Variants in PDE11A observed in about 807,000 individuals in gnomAD.
PDE11A encodes phosphodiesterase 11A, also known as dual 3',5'-cyclic-AMP and -GMP phosphodiesterase 11A.
Under a neutral mutation model 100.5 loss-of-function variants are expected in PDE11A, and 100 were observed. The observed-to-expected ratio is 1.00, with a 90% CI of 0.85 to 1.18. The LOEUF is 1.18. Among genes scored for constraint, PDE11A ranks in the 50% most tolerant of loss-of-function variants. The probability of loss-of-function intolerance (pLI) is 0.00; values close to 1 mark genes in which losing one functional copy is unlikely to be tolerated. For synonymous variants in PDE11A, 381 were observed against 420.8 expected, an observed-to-expected ratio of 0.91 and a Z score of 1.16; for missense variants, 1,141 against 1,152.6, an observed-to-expected ratio of 0.99 and a Z score of 0.15.
intron 2 of PDE11A, among the ~76,000 whole-genome samples, chr2:177,918,323 A>G (rs2084984743): frequency 6.6e-6 from 1 of 152,222 alleles, no homozygotes; most frequent in African/African-American, 2.4e-5. Context: ...ACCCATATTC[A>G]GTCTATCTGC....
At chr2:177,632,429 C>G (rs972848228) in intron 19 of PDE11A, among the ~76,000 whole-genome samples, 5 of 152,158 alleles carry the variant, frequency 3.3e-5, no homozygotes, top group Non-Finnish European at 5.9e-5. Flanking sequence ...CCTTTCTTCT[C>G]TCCTCTTATC....
chr2:177,793,560 A>G (rs1450756290), intron 9 of PDE11A, among the ~76,000 whole-genome samples: 1 of 125,816 alleles, frequency 7.9e-6, no homozygotes, highest in East Asian at 2.4e-4. Flanking sequence ...AAAAAAAAAA[A>G]GAGCTCCACT....
intron 10 of PDE11A, among the ~76,000 whole-genome samples, chr2:177,759,941 C>A (rs2082146745): frequency 6.6e-6 from 1 of 152,114 alleles, no homozygotes; most frequent in African/African-American, 2.4e-5. Context: ...GCTTATTTGA[C>A]CCCCAAAATG....
At chr2:177,825,471 T>A (rs2083213772) in intron 6 of PDE11A, among the ~76,000 whole-genome samples, 1 of 152,150 alleles carries the variant, frequency 6.6e-6, no homozygotes, top group African/African-American at 2.4e-5. Flanking sequence ...TGAAATCCCC[T>A]AATTGCCTAT....
chr2:177,885,764 A>G (rs545572405), intron 4 of PDE11A, among the ~76,000 whole-genome samples: 2 of 152,326 alleles, frequency 1.3e-5, no homozygotes, highest in African/African-American at 4.8e-5. Context: ...CCTTGAGTGT[A>G]GGATTCAGGA....
chr2:177,915,602 GAGC>G (rs2084941443), intron 2 of PDE11A, among the ~76,000 whole-genome samples: 1 of 152,112 alleles, frequency 6.6e-6, no homozygotes, highest in Admixed American at 6.5e-5. Flanking sequence ...ACCTATTGAA[GAGC>G]ATCTCAATTG....
intron 9 of PDE11A, among the ~76,000 whole-genome samples, chr2:177,802,284 T>C (rs547679461): frequency 1.3e-5 from 2 of 152,166 alleles, no homozygotes; most frequent in South Asian, 4.1e-4. Flanking sequence ...ATAGCCACTT[T>C]GGAAAAATAT....
At chr2:177,878,310 A>G (rs572560585) in intron 4 of PDE11A, among the ~76,000 whole-genome samples, 1 of 152,224 alleles carries the variant, frequency 6.6e-6, no homozygotes, top group East Asian at 1.9e-4. Flanking sequence ...CTTTCCTACC[A>G]AGTGGTAGGA....
rs757986511 is a variant in PDE11A, at chr2:178,104,269, A to G, written c.162+33T>C. On this transcript the variant is annotated intron_variant, in intron 2 of 20. Coordinates refer to the PDE11A transcript ENST00000358450. ...TATGCTTTATTCTTTCCTACAGTGT[A>G]TCTGGTTCTCTCCCACAACTGCTAG... 3.1e-6 allele frequency: 5 copies of G among 1,590,024 alleles called. No homozygotes were observed. The Middle Eastern group carries it at 5.3e-4, about 170-fold the overall frequency.
chr2:177,625,500 A>T lies in PDE11A; in HGVS notation c.*3907T>A, dbSNP rs2079818740. ...CACCAGGATTGCCACTACATTGTAG[A>T]TTGTGCACATAATAGCTACATAGTG... is the stretch of plus-strand genomic sequence containing the variant. On this transcript the variant is annotated 3_prime_UTR_variant, in exon 20 of 20. Coordinates refer to ENST00000286063, the MANE Select transcript of PDE11A (RefSeq NM_016953.4). 6.6e-6 allele frequency: 1 copy of T among 152,474 alleles called. No individual in the cohort carries two copies. Among genetic ancestry groups the T allele is most frequent in the African/African-American group, 2.4e-5 (1 of 41,452 alleles). 9.4% of individuals were successfully genotyped at this position (152,474 alleles called of 1,614,324 possible). A position where few individuals can be genotyped will look rare whatever the true frequency, so the allele number is the denominator to read the frequency against.
chr2:177,802,626 A>T (rs2082810345), intron 9 of PDE11A, among the ~76,000 whole-genome samples: 1 of 152,212 alleles, frequency 6.6e-6, no homozygotes, highest in Non-Finnish European at 1.5e-5. Context: ...CTGAATTTAC[A>T]TGAAATTCTA....
At chr2:177,778,079 G>A (rs575484691) in intron 9 of PDE11A, among the ~76,000 whole-genome samples, 2 of 152,242 alleles carry the variant, frequency 1.3e-5, no homozygotes, top group South Asian at 2.1e-4. Flanking sequence ...GGCAATTATC[G>A]GACCCATGAA....
intron 5 of PDE11A, among the ~76,000 whole-genome samples, chr2:177,860,808 T>C (rs987197722): frequency 1.3e-5 from 2 of 151,744 alleles, no homozygotes; most frequent in Admixed American, 6.6e-5. Flanking sequence ...ATATATAATA[T>C]ACTATTTTAA....
chr2:177,815,628 G>T (rs540063864), intron 9 of PDE11A, among the ~76,000 whole-genome samples: 4 of 152,198 alleles, frequency 2.6e-5, no homozygotes, highest in African/African-American at 9.6e-5. Flanking sequence ...TAAGCACCCT[G>T]CTAGGCATTG....
intron 10 of PDE11A, among the ~76,000 whole-genome samples, chr2:177,747,945 A>G (rs970393813): frequency 6.6e-6 from 1 of 152,132 alleles, no homozygotes; most frequent in Non-Finnish European, 1.5e-5. Flanking sequence ...AGCCAGGATT[A>G]GAATCTACCA....
chr2:177,914,924 A>G (rs2084930146), intron 2 of PDE11A, among the ~76,000 whole-genome samples: 1 of 152,190 alleles, frequency 6.6e-6, no homozygotes, highest in East Asian at 1.9e-4. Context: ...GCAGAATCAT[A>G]TAGCATGTGG....
intron 7 of PDE11A, among the ~76,000 whole-genome samples, chr2:177,818,128 A>G (rs2105582317): frequency 6.6e-6 from 1 of 152,188 alleles, no homozygotes; most frequent in South Asian, 2.1e-4. Flanking sequence ...ATTTATTTAG[A>G]CTAGATCTCA....
intron 2 of PDE11A, among the ~76,000 whole-genome samples, chr2:178,099,143 C>T (rs1036184939): frequency 7.9e-5 from 12 of 152,084 alleles, no homozygotes; most frequent in African/African-American, 2.2e-4. Flanking sequence ...AAATACAGTA[C>T]GGCCAGGAAC....
intron 9 of PDE11A, among the ~76,000 whole-genome samples, chr2:177,812,258 C>G (rs1189278253): frequency 1.3e-5 from 2 of 151,920 alleles, no homozygotes; most frequent in Non-Finnish European, 2.9e-5. Context: ...ATGAATAAAA[C>G]AAGATTGAGA....
Sources: gnomAD v4.1 joint callset for allele counts (sites outside exome capture counted in the v4.1 genomes callset) on GRCh38, gnomAD v4.1.1 for gene constraint, MANE v1.5 for transcripts, NCBI Gene and HGNC (gene_info 2026-07-23, HGNC 2026-07-21) for gene names.